Variants in HYDIN observed in about 807,000 individuals in gnomAD.
HYDIN encodes the protein axonemal central pair apparatus protein HYDIN.
HYDIN carries 132 observed loss-of-function variants against 403.9 expected under a neutral mutation model. That is an observed-to-expected ratio of 0.33 (90% CI 0.28 to 0.38). The LOEUF (loss-of-function observed/expected upper bound fraction) is 0.38, where lower values mean the gene tolerates loss of function less well. Among genes scored for constraint, HYDIN ranks in the 10% least tolerant of loss-of-function variants. The pLI is 1.00. For missense variants in HYDIN, 2,827 were observed against 5,009.5 expected (o/e 0.56, Z 13.15); for synonymous variants, 1,202 against 1,891.7 (o/e 0.64, Z 9.46).
chr16:71,089,910 CTGT>C (rs1245090444), intron 11 of HYDIN, among the ~76,000 whole-genome samples: 3 of 130,172 alleles, frequency 2.3e-5, no homozygotes, highest in East Asian at 2.3e-4. Context: ...CAAGTGCTGC[CTGT>C]TGTTGTTGTA....
intron 13 of HYDIN, among the ~76,000 whole-genome samples, chr16:71,077,797 G>T (rs1304444141): frequency 1.3e-5 from 2 of 150,512 alleles, no homozygotes; most frequent in African/African-American, 2.5e-5. Flanking sequence ...ATGAATAAAG[G>T]TCCCCATTAA....
chr16:70,813,253 T>G (rs1414541592), intron 84 of HYDIN, among the ~76,000 whole-genome samples: 1 of 150,372 alleles, frequency 6.7e-6, no homozygotes, highest in African/African-American at 2.4e-5. Context: ...GCCCGGCCTG[T>G]GGCTTCTATT....
At chr16:71,214,124 C>T (rs1457095926) in intron 1 of HYDIN, among the ~76,000 whole-genome samples, 1 of 151,850 alleles carries the variant, frequency 6.6e-6, no homozygotes, top group African/African-American at 2.4e-5. Context: ...TCTATATACT[C>T]AAAAAAGTTT....
chr16:71,127,797 C>A (rs1307642518), intron 9 of HYDIN, among the ~76,000 whole-genome samples: 2 of 152,228 alleles, frequency 1.3e-5, no homozygotes, highest in African/African-American at 2.4e-5. Context: ...CAGCCCAGCT[C>A]AGCCACCTGC....
In HYDIN at chr16:70,866,870, C is replaced by T. The variant is rs2039783876; in HGVS notation, c.11311-541G>A. On this transcript the variant is annotated intron_variant, in intron 66 of 85. Transcript: ENST00000393567. ...TGAAACCCTGTCTCTGCTAAAAGTA[C>T]AAAAATTAGCCGGGTGTGGTGGTGC... Among the ~76,000 whole-genome samples, 2 of 151,538 alleles carry T rather than the reference C, an allele frequency of 1.3e-5. 1 individual carries two copies. Among genetic ancestry groups the T allele is most frequent in the South Asian group, 4.2e-4 (2 of 4,800 alleles).
intron 18 of HYDIN, among the ~76,000 whole-genome samples, chr16:71,057,318 T>C (rs1826067256): frequency 6.6e-6 from 1 of 151,518 alleles, no homozygotes; most frequent in Non-Finnish European, 1.5e-5. Context: ...TGAAAACCTC[T>C]ATTAAAAAGA....
At chr16:71,161,232 T>A (rs56288060) in intron 6 of HYDIN, among the ~76,000 whole-genome samples, 1 of 150,996 alleles carries the variant, frequency 6.6e-6, no homozygotes, top group Non-Finnish European at 1.5e-5. Context: ...CAATAGGGTG[T>A]GTGCTCCTAT....
intron 62 of HYDIN, among the ~76,000 whole-genome samples, chr16:70,877,835 C>T (rs965545844): frequency 1.2e-4 from 18 of 152,132 alleles, no homozygotes; most frequent in African/African-American, 3.9e-4. Flanking sequence ...CAACGGAAAC[C>T]GGAATACAGT....
intron 35 of HYDIN, among the ~76,000 whole-genome samples, chr16:70,971,321 T>TG (rs1450361621): frequency 1.3e-5 from 2 of 152,280 alleles, no homozygotes; most frequent in Non-Finnish European, 2.9e-5. Flanking sequence ...ATGCCAGAGC[T>TG]GGGGCATTCA....
intron 25 of HYDIN, among the ~76,000 whole-genome samples, chr16:70,990,974 TG>T (rs1226510325): frequency 6.6e-6 from 1 of 152,274 alleles, no homozygotes; most frequent in East Asian, 1.9e-4. Context: ...CAAGCATCTT[TG>T]TATGCACATC....
intron 41 of HYDIN, among the ~76,000 whole-genome samples, chr16:70,944,240 T>C (rs1270288528): frequency 6.6e-6 from 1 of 152,196 alleles, no homozygotes; most frequent in East Asian, 1.9e-4. Context: ...CATGCTTAGG[T>C]ACTAGGGATA....
intron 36 of HYDIN, among the ~76,000 whole-genome samples, chr16:70,965,919 C>T (rs533671361): frequency 2.0e-5 from 3 of 152,290 alleles, no homozygotes; most frequent in Admixed American, 2.0e-4. Flanking sequence ...GGGAAAGACA[C>T]ATTGACCACT....
rs573635525 is a variant in HYDIN, at chr16:71,051,267, T to C, written c.2529+9237A>G. 3.3e-5 allele frequency among the ~76,000 whole-genome samples: 5 copies of C among 152,230 alleles called. No individual in the cohort carries two copies. The South Asian group carries it at 1.0e-3, about 32-fold the overall frequency. On this transcript the variant is annotated intron_variant, in intron 18 of 85. Transcript: ENST00000393567. ...GAAATGCATTACATTTCAGCACGTG[T>C]TAATGATAACAAATAAGAAAGGATT...
chr16:71,203,485 T>G (rs1203485180), intron 1 of HYDIN, among the ~76,000 whole-genome samples: 1 of 152,176 alleles, frequency 6.6e-6, no homozygotes, highest in East Asian at 1.9e-4. Context: ...CCAAGCAAGT[T>G]AAAAATGCCT....
intron 30 of HYDIN, 94 bp downstream of exon 30, chr16:70,978,820 C>T: frequency 1.1e-6 from 1 of 901,742 alleles, no homozygotes; most frequent in Non-Finnish European, 1.7e-6. Context: ...ACCCCACACA[C>T]TGTGCACACA....
chr16:71,196,669 A>C (rs1192287282), intron 1 of HYDIN, among the ~76,000 whole-genome samples: 1 of 152,176 alleles, frequency 6.6e-6, no homozygotes, highest in African/African-American at 2.4e-5. Flanking sequence ...TCTAAGTCAC[A>C]GGACGAGATA....
chr16:71,222,287 C>G (rs1004994017), intron 1 of HYDIN, among the ~76,000 whole-genome samples: 3 of 152,120 alleles, frequency 2.0e-5, no homozygotes, highest in Admixed American at 6.5e-5. Flanking sequence ...ATCCAGCACC[C>G]CTTTATGGTA....
chr16:71,002,245 C>T (rs1253723320), intron 23 of HYDIN, among the ~76,000 whole-genome samples: 2 of 152,146 alleles, frequency 1.3e-5, no homozygotes, highest in Non-Finnish European at 2.9e-5. Flanking sequence ...CTTTTTGTAT[C>T]TTGTTTAAGA....
intron 8 of HYDIN, among the ~76,000 whole-genome samples, chr16:71,130,478 T>G (rs1438825758): frequency 7.6e-6 from 1 of 131,870 alleles, no homozygotes; most frequent in South Asian, 2.7e-4. Context: ...CGGTTTTTTT[T>G]TTTTTTTTTT....
Sources: allele counts gnomAD v4.1 joint callset (sites outside exome capture counted in the v4.1 genomes callset), GRCh38; gene constraint gnomAD v4.1.1; transcripts MANE v1.5; gene names NCBI Gene and HGNC (gene_info 2026-07-23, HGNC 2026-07-21).